Variants in CSMD1 observed in about 807,000 individuals in gnomAD.
The protein encoded by CSMD1 is CUB and sushi domain-containing protein 1.
Under a neutral mutation model 417.5 loss-of-function variants are expected in CSMD1, and 213 were observed. That is an observed-to-expected ratio of 0.51 (90% CI 0.46 to 0.57). The LOEUF is 0.57. Ranked by LOEUF, CSMD1 falls within the 20% of genes least tolerant of loss-of-function variation. The pLI, the probability that CSMD1 is intolerant of heterozygous loss-of-function variation, is 0.00. For missense variants in CSMD1, 6,923 were observed against 4,529.7 expected, an observed-to-expected ratio of 1.53 and a Z score of -15.17; for synonymous variants, 2,862 against 1,736.8, an observed-to-expected ratio of 1.65 and a Z score of -16.11.
intron 2 of CSMD1, among the ~76,000 whole-genome samples, chr8:4,523,505 T>C (rs1803593636): frequency 6.6e-6 from 1 of 152,134 alleles, no homozygotes; most frequent in Non-Finnish European, 1.5e-5. Context: ...AGGATGGCTG[T>C]TGCTAGTTTT....
chr8:4,860,049 G>A (rs1169620800), intron 1 of CSMD1, among the ~76,000 whole-genome samples: 3 of 151,976 alleles, frequency 2.0e-5, no homozygotes, highest in Non-Finnish European at 4.4e-5. Context: ...AGAAAATGTG[G>A]CACGTATACA....
intron 3 of CSMD1, among the ~76,000 whole-genome samples, chr8:4,083,129 C>T (rs552404112): frequency 6.6e-6 from 1 of 152,168 alleles, no homozygotes; most frequent in Non-Finnish European, 1.5e-5. Flanking sequence ...AGTATATACC[C>T]AGTAACGGGA....
At chr8:4,309,562 C>T (rs1798444684) in intron 3 of CSMD1, among the ~76,000 whole-genome samples, 1 of 152,098 alleles carries the variant, frequency 6.6e-6, no homozygotes, top group Non-Finnish European at 1.5e-5. Flanking sequence ...TCACATCAAG[C>T]AGCCAAACTC....
chr8:4,728,585 T>C (rs376577873), intron 1 of CSMD1, among the ~76,000 whole-genome samples: 4 of 152,190 alleles, frequency 2.6e-5, no homozygotes, highest in East Asian at 1.9e-4. Context: ...CTGTTACTGA[T>C]ACCATTTAAC....
chr8:4,470,352 A>T (rs1405748607), intron 2 of CSMD1, among the ~76,000 whole-genome samples: 1 of 152,120 alleles, frequency 6.6e-6, no homozygotes, highest in Admixed American at 6.6e-5. Flanking sequence ...ACGATGGTTC[A>T]ACTCCCAATG....
chr8:3,510,913 T>G (rs775532531), intron 10 of CSMD1, among the ~76,000 whole-genome samples: 2 of 151,796 alleles, frequency 1.3e-5, no homozygotes, highest in Non-Finnish European at 2.9e-5. Context: ...TAGCCCTTCG[T>G]CAGAGATACA....
intron 5 of CSMD1, among the ~76,000 whole-genome samples, chr8:3,942,106 T>G (rs1259950330): frequency 6.6e-6 from 1 of 151,866 alleles, no homozygotes; most frequent in African/African-American, 2.4e-5. Context: ...ATCTAATGCC[T>G]GATGATCTGT....
rs573731541 is a variant in CSMD1 at position 4,586,073 on chromosome 8, T to A, written c.302+51269A>T. Among the ~76,000 whole-genome samples, 3 of 152,346 alleles carry A rather than the reference T, an allele frequency of 2.0e-5. No homozygotes were observed. In the South Asian group the frequency reaches 6.2e-4, roughly 32 times the overall value. ...CGTATACATGGAGTACACATGATAT[T>A]TTCACACAAGCATACAACGTGTAAT... On this transcript the variant is annotated intron_variant, in intron 2 of 69. Coordinates refer to ENST00000635120, the MANE Select transcript of CSMD1 (RefSeq NM_033225.6).
chr8:4,897,965 T>C (rs1363088637), intron 1 of CSMD1, among the ~76,000 whole-genome samples: 1 of 152,162 alleles, frequency 6.6e-6, no homozygotes, highest in Non-Finnish European at 1.5e-5. Flanking sequence ...ATATGCTTAG[T>C]TTTAAATTAT....
intron 7 of CSMD1, among the ~76,000 whole-genome samples, chr8:3,697,885 C>T (rs935582335): frequency 2.0e-5 from 3 of 152,008 alleles, no homozygotes; most frequent in Middle Eastern, 3.2e-3. Context: ...GCTCTCTAGC[C>T]ATTACGCAAA....
At chr8:4,646,346 A>G (rs530756304) in intron 1 of CSMD1, among the ~76,000 whole-genome samples, 1 of 152,348 alleles carries the variant, frequency 6.6e-6, no homozygotes, top group East Asian at 1.9e-4. Context: ...GTTGTTCCCT[A>G]CATTTGAAAT....
At chr8:3,399,750 T>C (rs1255846831) in intron 15 of CSMD1, among the ~76,000 whole-genome samples, 2 of 152,252 alleles carry the variant, frequency 1.3e-5, no homozygotes, top group African/African-American at 2.4e-5. Context: ...AAGTTCTTTT[T>C]CTCTAGTAAT....
intron 1 of CSMD1, among the ~76,000 whole-genome samples, chr8:4,818,881 A>T (rs12549562): frequency 0.46 from 70,531 of 152,098 alleles, 16,764 homozygotes; most frequent in Non-Finnish European, 0.52. Context: ...ACTGTTTACT[A>T]AAGAAAGTTC....
chr8:4,777,731 T>C (rs760038977), intron 1 of CSMD1, among the ~76,000 whole-genome samples: 2 of 152,200 alleles, frequency 1.3e-5, no homozygotes, highest in Non-Finnish European at 2.9e-5. Flanking sequence ...CTAATGCATG[T>C]GTGTTTCAAA....
intron 5 of CSMD1, among the ~76,000 whole-genome samples, chr8:3,813,252 T>G (rs979981129): frequency 6.6e-6 from 1 of 152,166 alleles, no homozygotes; most frequent in South Asian, 2.1e-4. Flanking sequence ...ATCATTAAGA[T>G]AGCAATCAAA....
intron 7 of CSMD1, among the ~76,000 whole-genome samples, chr8:3,635,336 A>T (rs1796981452): frequency 6.6e-6 from 1 of 151,938 alleles, no homozygotes. Context: ...TAGCCAGGCA[A>T]AGTGGTGCAC....
intron 2 of CSMD1, among the ~76,000 whole-genome samples, chr8:4,515,740 G>A (rs1585189313): frequency 6.6e-6 from 1 of 152,170 alleles, no homozygotes. Flanking sequence ...AGAGCCCAGG[G>A]TAGTCTGGAC....
intron 2 of CSMD1, among the ~76,000 whole-genome samples, chr8:4,602,488 A>C (rs1800643190): frequency 6.6e-6 from 1 of 152,228 alleles, no homozygotes; most frequent in Admixed American, 6.5e-5. Flanking sequence ...GCTGTCCAGC[A>C]CATCTCAGGT....
At chr8:3,555,079 G>C (rs990590952) in intron 10 of CSMD1, among the ~76,000 whole-genome samples, 1 of 152,086 alleles carries the variant, frequency 6.6e-6, no homozygotes. Context: ...AGAGCCCTCG[G>C]CAAGTGCAGC....
Sources: gnomAD v4.1 joint callset for allele counts (sites outside exome capture counted in the v4.1 genomes callset) on GRCh38, gnomAD v4.1.1 for gene constraint, MANE v1.5 for transcripts, NCBI Gene and HGNC (gene_info 2026-07-23, HGNC 2026-07-21) for gene names.